Variants in ZNF844 observed in about 807,000 individuals in gnomAD.
ZNF844 encodes the protein zinc finger protein 844.
ZNF844 carries 11 observed loss-of-function variants against 11.4 expected under a neutral mutation model. The observed-to-expected ratio is 0.97, with a 90% CI of 0.61 to 1.60. The LOEUF (loss-of-function observed/expected upper bound fraction) is 1.60. Ranked by LOEUF, ZNF844 falls within the 40% of genes most tolerant of loss-of-function variation. The probability of loss-of-function intolerance (pLI) is 0.00; values close to 1 mark genes in which losing one functional copy is unlikely to be tolerated. For missense variants in ZNF844, 790 were observed against 796.8 expected (o/e 0.99, Z 0.10); for synonymous variants, 248 against 260.3 (o/e 0.95, Z 0.46).
chr19:12,071,314 C>T (rs1975750631), intron 1 of ZNF844, among the ~76,000 whole-genome samples: 1 of 152,202 alleles, frequency 6.6e-6, no homozygotes, highest in Non-Finnish European at 1.5e-5. Flanking sequence ...CCCGAGAATA[C>T]TCTTGTCTCT....
intron 1 of ZNF844, among the ~76,000 whole-genome samples, chr19:12,066,274 C>G: frequency 6.6e-6 from 1 of 151,752 alleles, no homozygotes; most frequent in East Asian, 2.0e-4. Flanking sequence ...GGAAATGGTC[C>G]TCCTGAGTGC....
chr19:12,066,210 GC>G (rs1975685604), intron 1 of ZNF844, among the ~76,000 whole-genome samples: 1 of 152,072 alleles, frequency 6.6e-6, no homozygotes, highest in African/African-American at 2.4e-5. Flanking sequence ...ACAGGTGTGA[GC>G]CACCGAACTC....
chr19:12,076,593 C>T lies in ZNF844; in HGVS notation c.1473C>T (p.Phe491=), dbSNP rs1330726190. ...AGCCTTCATTTTTTCCACTTCCTTTCGATATCATGAAAGGACTCACACTGG... is the reference window on the plus strand; with the variant it reads ...AGCCTTCATTTTTTCCACTTCCTTTTGATATCATGAAAGGACTCACACTGG... ...VVKPSFFPLP[F]DIMKGLTLER... Residue 491 remains phenylalanine (F), a synonymous_variant, in exon 4 of 4, where the codon TTC becomes TTT. Coordinates refer to ENST00000439326, the MANE Select transcript of ZNF844 (RefSeq NM_001136501.3). The T allele has an allele frequency of 1.8e-5, 29 of 1,611,490 alleles. No homozygotes were observed. Among genetic ancestry groups the T allele is most frequent in the Admixed American group, 3.4e-5 (2 of 59,560 alleles).
At chr19:12,066,527 CTTCTTT>C (rs1568357036) in intron 1 of ZNF844, among the ~76,000 whole-genome samples, 1 of 123,100 alleles carries the variant, frequency 8.1e-6, no homozygotes, top group East Asian at 2.5e-4. Flanking sequence ...ACATAAATGT[CTTCTTT>C]TTTTTTTTTT....
chr19:12,067,054 G>C (rs1233756523), intron 1 of ZNF844, among the ~76,000 whole-genome samples: 1 of 152,090 alleles, frequency 6.6e-6, no homozygotes, highest in Admixed American at 6.5e-5. Context: ...TAAAAAATTA[G>C]CTGGGTGTGG....
intron 1 of ZNF844, among the ~76,000 whole-genome samples, chr19:12,070,588 CA>C (rs1975744328): frequency 6.6e-6 from 1 of 152,148 alleles, no homozygotes; most frequent in Non-Finnish European, 1.5e-5. Context: ...TCTTCCTCCC[CA>C]CCAGAAGAGA....
Position 12,076,020 on chromosome 19 carries a change from A to C in ZNF844, c.900A>C (p.Glu300Asp). ...GGTTCCATTCCTTTCAAATACATGA[A>C]AGAACTCACAGTGAGGAGAAGGCTT... ...FRWFHSFQIH[E>D]RTHSEEKAYE... Residue 300 changes from glutamate (E) to aspartate (D), a missense_variant, in exon 4 of 4, where the codon GAA (glutamate) becomes GAC (aspartate). Transcript: ENST00000439326. The C allele has an allele frequency of 6.4e-7, 1 of 1,571,806 alleles. No individual in the cohort carries two copies. Among genetic ancestry groups the C allele is most frequent in the Non-Finnish European group, 8.6e-7 (1 of 1,158,038 alleles).
intron 1 of ZNF844, 144 bp downstream of exon 1, chr19:12,065,020 C>T (rs1180116039): frequency 1.1e-6 from 1 of 904,912 alleles, no homozygotes; most frequent in Non-Finnish European, 1.6e-6. Flanking sequence ...GCTGGCGCAG[C>T]TCGGCCTTCG....
In ZNF844 at chr19:12,076,726, A is replaced by G; in HGVS notation, c.1606A>G (p.Asn536Asp). The change falls in exon 4 of 4, where the codon AAT (asparagine) becomes GAT (aspartate). Residue 536 changes from asparagine (N) to aspartate (D), a missense_variant. By Grantham distance (23) the Asn-to-Asp change is conservative. Transcript: ENST00000439326. Reference protein sequence around the residue: ...TLESNCMNLNNVKKPLDLSET... With the variant: ...TLESNCMNLNDVKKPLDLSET... ...GGAAAGCAACTGTATGAATCTAAAC[A>G]ATGTGAAAAAACCTTTGGATCTGTC... 6.2e-7 allele frequency: 1 copy of G among 1,611,194 alleles called. No individual in the cohort carries two copies. Among genetic ancestry groups the G allele is most frequent in the South Asian group, 1.1e-5 (1 of 90,668 alleles).
rs1231332316 is a variant in ZNF844, at chr19:12,076,443, C to T, written c.1323C>T (p.Leu441=). ...LPLPFDIMKG[L]TLERNRMSVS... is the part of the protein sequence containing the mutation. ...TTCCTTTCGATATCATGAAAGGACT[C>T]ACACTGGAGAGAAACCGTATGAGTG... The change falls in exon 4 of 4, where the codon CTC becomes CTT. Residue 441 remains leucine (L), a synonymous_variant. Coordinates refer to ENST00000439326, the MANE Select transcript of ZNF844 (RefSeq NM_001136501.3). 2.5e-6 allele frequency: 4 copies of T among 1,614,038 alleles called. No homozygotes were observed. Among genetic ancestry groups the T allele is most frequent in the Admixed American group, 3.3e-5 (2 of 60,006 alleles).
chr19:12,071,784 G>A (rs1430469267), intron 1 of ZNF844, among the ~76,000 whole-genome samples: 1 of 148,994 alleles, frequency 6.7e-6, no homozygotes, highest in East Asian at 2.0e-4. Context: ...ATGTACTGTT[G>A]AGTTAGTTTG....
rs970914647 is a variant in ZNF844 at position 12,077,856 on chromosome 19, T to C, written c.*735T>C. ...TTTTTTTTTTCTTTTTGAGACAGAG[T>C]CTCGCTCTGTCACCCAGGCTGGAGT... On this transcript the variant is annotated 3_prime_UTR_variant, in exon 4 of 4. Transcript: ENST00000439326. 2.5e-5 allele frequency: 7 copies of C among 279,954 alleles called. No individual in the cohort carries two copies. Among genetic ancestry groups the C allele is most frequent in the Non-Finnish European group, 4.1e-5 (6 of 144,750 alleles). 17.3% of individuals were successfully genotyped at this position (279,954 alleles called of 1,614,324 possible).
rs769328736 is a variant in ZNF844, at chr19:12,075,881, A to C, written c.761A>C (p.Glu254Ala). Residue 254 changes from glutamate to alanine, a missense_variant, in exon 4 of 4, where the codon GAA becomes GCA. Physicochemically the swap from Glu to Ala is moderately radical, Grantham distance 107. Around this residue, in one of 3 missense-constraint regions of ZNF844, gnomAD observed 657 missense variants for 636.2 expected, o/e 1.03. Coordinates refer to ENST00000439326, the MANE Select transcript of ZNF844 (RefSeq NM_001136501.3). Reference sequence around the variant, plus strand: ...ACTCACACTGGAGAGAAGCCTTATGAATGTAAGGAATGTGGGAAAGCATTC... The same window carrying C: ...ACTCACACTGGAGAGAAGCCTTATGCATGTAAGGAATGTGGGAAAGCATTC... Reference protein sequence around the residue: ...ERTHTGEKPYECKECGKAFGS... With the variant: ...ERTHTGEKPYACKECGKAFGS... The C allele has an allele frequency of 1.7e-5, 27 of 1,609,966 alleles. No individual in the cohort carries two copies. Among genetic ancestry groups the C allele is most frequent in the Non-Finnish European group, 2.3e-5 (27 of 1,177,722 alleles).
intron 1 of ZNF844, among the ~76,000 whole-genome samples, chr19:12,069,461 A>G (rs1975729427): frequency 6.6e-6 from 1 of 151,746 alleles, no homozygotes; most frequent in Admixed American, 6.6e-5. Flanking sequence ...TGGAATTAAC[A>G]GGGGTGAGCC....
intron 1 of ZNF844, among the ~76,000 whole-genome samples, chr19:12,065,103 C>A (rs973273760): frequency 6.6e-5 from 10 of 151,886 alleles, no homozygotes; most frequent in Non-Finnish European, 1.5e-4. Flanking sequence ...CGCCGCGCGG[C>A]GACTGCGGCC....
At chr19:12,068,160 A>G (rs1568357703) in intron 1 of ZNF844, among the ~76,000 whole-genome samples, 1 of 151,976 alleles carries the variant, frequency 6.6e-6, no homozygotes, top group East Asian at 1.9e-4. Context: ...TGCTTAAAAA[A>G]TAGCCAGGCA....
chr19:12,075,813 T>A lies in ZNF844; in HGVS notation c.693T>A (p.Gly231=). Residue 231 remains glycine, a synonymous_variant, in exon 4 of 4, where the codon GGT becomes GGA. Transcript: ENST00000439326. ...AACCATATAAATGTAAACAATGTGG[T>A]AAAGCCTTTAGTTATTCAACTTCCC... The part of the protein sequence containing the change: ...GEKPYKCKQC[G]KAFSYSTSLQ... The A allele has an allele frequency of 6.2e-7, 1 of 1,611,170 alleles. No individual in the cohort carries two copies. The highest frequency in any genetic ancestry group is 8.5e-7 in the Non-Finnish European group (1 of 1,178,678).
rs1230519396 is a variant in ZNF844 at position 12,080,365 on chromosome 19, AAG to A, written c.*3248_*3249del. On this transcript the variant is annotated 3_prime_UTR_variant, in exon 4 of 4. Transcript: ENST00000439326. ...CCGTCTCAAAAAAAAAAAAAAAAAAAAGAGAAGTCTGACAGGACAATAAAATT... is the reference window on the plus strand; with the variant it reads ...CCGTCTCAAAAAAAAAAAAAAAAAAAAGAAGTCTGACAGGACAATAAAATT... The A allele has an allele frequency of 1.8e-5, 7 of 380,434 alleles. No individual in the cohort carries two copies. Among genetic ancestry groups the A allele is most frequent in the Middle Eastern group, 3.7e-4 (1 of 2,688 alleles). The allele number at this position is 380,434 out of a possible 1,614,324, so 23.6% of individuals were successfully genotyped here.
At chr19:12,069,487 G>A (rs1975729749) in intron 1 of ZNF844, among the ~76,000 whole-genome samples, 1 of 151,378 alleles carries the variant, frequency 6.6e-6, no homozygotes. Flanking sequence ...GCCCAGCCAG[G>A]AATGACTTTA....
Sources: gnomAD v4.1 joint callset for allele counts (sites outside exome capture counted in the v4.1 genomes callset) on GRCh38, gnomAD v4.1.1 for gene constraint, gnomAD v4.1.1 regional missense constraint, MANE v1.5 for transcripts, NCBI Gene and HGNC (gene_info 2026-07-23, HGNC 2026-07-21) for gene names.